The following CDC42BPA variants were observed in gnomAD, a reference collection of about 807,000 sequenced individuals.
CDC42BPA encodes the protein serine/threonine-protein kinase MRCK alpha.
Under a neutral mutation model 223.5 loss-of-function variants are expected in CDC42BPA, and 80 were observed. The observed-to-expected ratio is 0.36, with a 90% CI of 0.30 to 0.43. CDC42BPA has a LOEUF of 0.43. Ranked by LOEUF, CDC42BPA falls within the 20% of genes least tolerant of loss-of-function variation. The pLI is 1.00. For synonymous variants in CDC42BPA, 694 were observed against 718.6 expected (o/e 0.97, Z 0.55); for missense variants, 1,743 against 2,099.9 (o/e 0.83, Z 3.32).
At chr1:227,033,311 C>T in intron 27 of CDC42BPA, 23 bp downstream of exon 27, 1 of 1,494,872 alleles carries the variant, frequency 6.7e-7, no homozygotes, top group Admixed American at 1.7e-5. Context: ...ATTCAGTGAT[C>T]AAATTACAGC....
In CDC42BPA at chr1:227,034,732, G is replaced by T. The variant is rs1451576789; in HGVS notation, c.3399C>A (p.Phe1133Leu). The change falls in exon 26 of 37, where the codon TTC (phenylalanine) becomes TTA (leucine). Residue 1133 changes from phenylalanine to leucine, a missense_variant. By Grantham distance (22) the Phe-to-Leu change is conservative (BLOSUM62 0). Coordinates refer to ENST00000366766, the MANE Select transcript of CDC42BPA (RefSeq NM_001394014.1). ...CAGCAATATCGTACAGAAAGAGTTT[G>T]AAGTCACACACTATAGCCAGTGCTC... ...WQRALAIVCDFKLFLYDIAEG... is the reference protein window; with the variant it reads ...WQRALAIVCDLKLFLYDIAEG... 4.3e-6 allele frequency: 7 copies of T among 1,613,822 alleles called. No homozygotes were observed. The highest frequency in any genetic ancestry group is 3.4e-6 in the Non-Finnish European group (4 of 1,179,808).
chr1:227,074,319 A>G lies in CDC42BPA; in HGVS notation c.2526T>C (p.Ala842=). The change falls in exon 18 of 37, where the codon GCT becomes GCC. Residue 842 remains alanine (A), a synonymous_variant. Coordinates refer to ENST00000366766, the MANE Select transcript of CDC42BPA (RefSeq NM_001394014.1). ...KDARGYLQAL[A]SKMTEELEAL... is the part of the protein sequence containing the mutation. ...CCTCCAATTCTTCAGTCATTTTAGAAGCTAAGGCCTGAAGATACCCTCGTG... is the reference window on the plus strand; with the variant it reads ...CCTCCAATTCTTCAGTCATTTTAGAGGCTAAGGCCTGAAGATACCCTCGTG... 1 of 1,613,846 alleles carries G rather than the reference A, an allele frequency of 6.2e-7. No homozygotes were observed. The highest frequency in any genetic ancestry group is 8.5e-7 in the Non-Finnish European group (1 of 1,179,766).
At chr1:227,293,523 A>AAG (rs1690069284) in intron 1 of CDC42BPA, among the ~76,000 whole-genome samples, 1 of 149,856 alleles carries the variant, frequency 6.7e-6, no homozygotes, top group African/African-American at 2.4e-5. Flanking sequence ...AAGTCATTAA[A>AAG]AAAAAAAAAA....
chr1:227,119,242 T>C (rs561314149), intron 12 of CDC42BPA, among the ~76,000 whole-genome samples: 2 of 152,238 alleles, frequency 1.3e-5, no homozygotes, highest in East Asian at 1.9e-4. Flanking sequence ...TGAATATTAT[T>C]TACCCTATTG....
At chr1:227,268,331 T>C (rs1290166775) in intron 1 of CDC42BPA, among the ~76,000 whole-genome samples, 1 of 152,124 alleles carries the variant, frequency 6.6e-6, no homozygotes, top group Non-Finnish European at 1.5e-5. Context: ...TATTGTAGCC[T>C]TTACAGAAAA....
At chr1:227,025,504 T>C (rs994873049) in intron 31 of CDC42BPA, among the ~76,000 whole-genome samples, 1 of 152,170 alleles carries the variant, frequency 6.6e-6, no homozygotes, top group Non-Finnish European at 1.5e-5. Flanking sequence ...TTGCTCTTCA[T>C]TTTTGCAAAC....
At chr1:227,031,173 T>C (rs1572366955) in intron 28 of CDC42BPA, 125 bp downstream of exon 28, 9 of 700,958 alleles carry the variant, frequency 1.3e-5, no homozygotes, top group Non-Finnish European at 2.2e-5. Context: ...AAACATGTAC[T>C]GAGCATTTAT....
At chr1:227,207,121 CCCTT>C (rs1212205582) in intron 3 of CDC42BPA, among the ~76,000 whole-genome samples, 6 of 125,090 alleles carry the variant, frequency 4.8e-5, no homozygotes, top group Non-Finnish European at 9.7e-5. Context: ...TGTGATGTTC[CCCTT>C]CCTGTGTCCA....
intron 4 of CDC42BPA, among the ~76,000 whole-genome samples, chr1:227,197,956 A>G (rs1671020784): frequency 6.6e-6 from 1 of 152,158 alleles, no homozygotes; most frequent in African/African-American, 2.4e-5. Context: ...CATTCTATTC[A>G]ATTTAACAAC....
In CDC42BPA at chr1:227,152,483, T is replaced by TAA. The variant is rs1348097553; in HGVS notation, c.694-4926_694-4925dup. On this transcript the variant is annotated intron_variant, in intron 6 of 36. Coordinates refer to ENST00000366766, the MANE Select transcript of CDC42BPA (RefSeq NM_001394014.1). Reference sequence around the variant, plus strand: ...ATAGGGAATGTGGCAGAAAAACCGATAAACTCTAGACAGCAGGTAAACTAC... The same window carrying TAA: ...ATAGGGAATGTGGCAGAAAAACCGATAAAAACTCTAGACAGCAGGTAAACTAC... Among the ~76,000 whole-genome samples the TAA allele has an allele frequency of 3.9e-5, 6 of 152,118 alleles. No homozygotes were observed. The East Asian group carries it at 1.2e-3, about 29-fold the overall frequency.
intron 1 of CDC42BPA, among the ~76,000 whole-genome samples, chr1:227,279,883 C>A (rs112375505): frequency 6.6e-6 from 1 of 151,860 alleles, no homozygotes; most frequent in African/African-American, 2.4e-5. Flanking sequence ...ATGGTGAAAC[C>A]CCATCTCTAA....
chr1:227,035,834 T>C (rs1670111226), intron 24 of CDC42BPA, among the ~76,000 whole-genome samples: 1 of 152,216 alleles, frequency 6.6e-6, no homozygotes, highest in South Asian at 2.1e-4. Flanking sequence ...CTGTTCTGTA[T>C]TGACATTAGT....
At chr1:227,015,947 T>C (rs1666146871) in intron 34 of CDC42BPA, 133 bp downstream of exon 34, 10 of 627,898 alleles carry the variant, frequency 1.6e-5, no homozygotes, top group Middle Eastern at 2.6e-4. Flanking sequence ...CTTAGACATA[T>C]TGTGGTATAC....
intron 4 of CDC42BPA, among the ~76,000 whole-genome samples, chr1:227,197,273 T>C (rs755886249): frequency 5.9e-5 from 9 of 152,132 alleles, no homozygotes; most frequent in Non-Finnish European, 1.3e-4. Flanking sequence ...CATTTTTTAA[T>C]GATTTTTGCT....
At chr1:227,302,872 T>C (rs113254014) in intron 1 of CDC42BPA, among the ~76,000 whole-genome samples, 1,940 of 152,006 alleles carry the variant, frequency 0.013, 15 homozygotes, top group Non-Finnish European at 0.02. Context: ...GTTTCCATTT[T>C]AGCTATCATA....
intron 27 of CDC42BPA, among the ~76,000 whole-genome samples, chr1:227,033,090 TA>T (rs1669607235): frequency 6.6e-6 from 1 of 152,214 alleles, no homozygotes; most frequent in Non-Finnish European, 1.5e-5. Flanking sequence ...GAATTGGAAC[TA>T]AAAAATATTA....
At chr1:226,996,429 C>T (rs1443820420) in intron 35 of CDC42BPA, among the ~76,000 whole-genome samples, 1 of 152,170 alleles carries the variant, frequency 6.6e-6, no homozygotes, top group African/African-American at 2.4e-5. Flanking sequence ...AATTTGACTT[C>T]CTCTCTTCCT....
chr1:227,059,551 A>G (rs753523792), intron 21 of CDC42BPA: 6 of 747,614 alleles, frequency 8.0e-6, no homozygotes, highest in Non-Finnish European at 1.3e-5. Flanking sequence ...ATGTACATGT[A>G]TTTTTAGGAA....
chr1:227,257,098 T>C (rs1398071486), intron 1 of CDC42BPA, among the ~76,000 whole-genome samples: 4 of 151,932 alleles, frequency 2.6e-5, no homozygotes, highest in African/African-American at 9.7e-5. Context: ...AAAAGGCAAA[T>C]ATATTATGTC....
Sources: allele counts gnomAD v4.1 joint callset (sites outside exome capture counted in the v4.1 genomes callset), GRCh38; gene constraint gnomAD v4.1.1; transcripts MANE v1.5; gene names NCBI Gene and HGNC (gene_info 2026-07-23, HGNC 2026-07-21).